The following JHY variants were observed in gnomAD, a reference collection of about 807,000 sequenced individuals.
JHY encodes the protein jhy protein homolog.
A neutral mutation model predicts 78.0 loss-of-function variants in JHY; 69 were observed. That is an observed-to-expected ratio of 0.88 (90% CI 0.73 to 1.08). The LOEUF (loss-of-function observed/expected upper bound fraction) is 1.08. Ranked by LOEUF, JHY falls within the 50% of genes least tolerant of loss-of-function variation. The pLI, the probability that JHY is intolerant of heterozygous loss-of-function variation, is 0.00. For missense variants in JHY, 944 were observed against 927.8 expected (o/e 1.02, Z -0.23); for synonymous variants, 368 against 342.6 (o/e 1.07, Z -0.82).
At chr11:122,939,312 A>G (rs184324573) in intron 5 of JHY, among the ~76,000 whole-genome samples, 1 of 152,034 alleles carries the variant, frequency 6.6e-6, no homozygotes, top group Non-Finnish European at 1.5e-5. Flanking sequence ...CAGACTTTCA[A>G]CCAAATCTTT....
rs1003749181 is a variant in JHY, at chr11:122,961,187, A to G, written c.*1742A>G. 1 of 513,746 alleles carries G rather than the reference A, an allele frequency of 1.9e-6. No individual in the cohort carries two copies. Among genetic ancestry groups the G allele is most frequent in the East Asian group, 3.5e-5 (1 of 28,390 alleles). 31.8% of individuals were successfully genotyped at this position (513,746 alleles called of 1,614,324 possible). ...TTTCTGTATTGCCCTCTACTGAAGTAGATAGTTTATATCTCCTAAAAATGA... is the reference window on the plus strand; with the variant it reads ...TTTCTGTATTGCCCTCTACTGAAGTGGATAGTTTATATCTCCTAAAAATGA... On this transcript the variant is annotated 3_prime_UTR_variant, in exon 9 of 9. Transcript: ENST00000227349.
At chr11:122,946,118 C>T (rs1163429461) in intron 5 of JHY, among the ~76,000 whole-genome samples, 1 of 152,094 alleles carries the variant, frequency 6.6e-6, no homozygotes, top group Non-Finnish European at 1.5e-5. Flanking sequence ...GTTTTTATTC[C>T]TTTTGTTCGT....
At chr11:122,911,803 G>T (rs1457259732) in intron 3 of JHY, among the ~76,000 whole-genome samples, 2 of 149,630 alleles carry the variant, frequency 1.3e-5, no homozygotes, top group East Asian at 2.0e-4. Context: ...TACTCAGGAG[G>T]CTGAGGCAGG....
chr11:122,901,955 A>G (rs762719285), intron 2 of JHY, among the ~76,000 whole-genome samples: 4 of 151,992 alleles, frequency 2.6e-5, no homozygotes, highest in South Asian at 2.1e-4. Context: ...AGGCCCACAC[A>G]GGGTTCGAAT....
chr11:122,946,458 A>C (rs1211767176), intron 5 of JHY, 40 bp from the exon 6 acceptor site: 1 of 1,530,710 alleles, frequency 6.5e-7, no homozygotes, highest in African/African-American at 1.4e-5. Context: ...ATGTATTTGG[A>C]TTTTATTAAT....
intron 4 of JHY, among the ~76,000 whole-genome samples, chr11:122,932,471 A>C (rs910106447): frequency 2.6e-5 from 4 of 152,202 alleles, no homozygotes; most frequent in Admixed American, 6.5e-5. Flanking sequence ...GTACCCAAGA[A>C]ATTTCTGAGA....
Position 122,962,757 on chromosome 11 carries a change from GT to G in JHY, c.*3315del, listed in dbSNP as rs1864340756. Among the ~76,000 whole-genome samples, 1 of 152,158 alleles carries G rather than the reference GT, an allele frequency of 6.6e-6. No homozygotes were observed. Among genetic ancestry groups the G allele is most frequent in the South Asian group, 2.1e-4 (1 of 4,832 alleles). On this transcript the variant is annotated 3_prime_UTR_variant, in exon 9 of 9. Coordinates refer to ENST00000227349, the MANE Select transcript of JHY (RefSeq NM_024806.4). ...CTTAAAATAGTTTAGAGCTTGGAAAGTTTGTCACATTCAACTGCCAGTTTTT... is the reference window on the plus strand; with the variant it reads ...CTTAAAATAGTTTAGAGCTTGGAAAGTTGTCACATTCAACTGCCAGTTTTT...
chr11:122,944,130 G>C (rs1482557605), intron 5 of JHY, among the ~76,000 whole-genome samples: 1 of 152,170 alleles, frequency 6.6e-6, no homozygotes, highest in Non-Finnish European at 1.5e-5. Flanking sequence ...CCGTAAGTCA[G>C]AGGTTGCAGT....
chr11:122,924,922 A>C lies in JHY; in HGVS notation c.890A>C (p.Asp297Ala). The part of the protein sequence containing the change: ...EQISYPVRVT[D>A]KTSIQNAKEM... ...ATCTCCTACCCCGTCAGAGTAACAG[A>C]CAAGACGTCTATTCAGAATGCCAAG... The change falls in exon 4 of 9, where the codon GAC (aspartate) becomes GCC (alanine). Residue 297 changes from aspartate to alanine, a missense_variant. Coordinates refer to ENST00000227349, the MANE Select transcript of JHY (RefSeq NM_024806.4). The C allele has an allele frequency of 6.2e-7, 1 of 1,614,040 alleles. No homozygotes were observed. Among genetic ancestry groups the C allele is most frequent in the Non-Finnish European group, 8.5e-7 (1 of 1,179,890 alleles).
At chr11:122,940,768 C>A (rs543996897) in intron 5 of JHY, among the ~76,000 whole-genome samples, 4 of 152,256 alleles carry the variant, frequency 2.6e-5, no homozygotes, top group Admixed American at 2.6e-4. Context: ...TCTATCAATA[C>A]CTATACATTT....
rs1489954690 is a variant in JHY at position 122,898,207 on chromosome 11, C to G, written c.345-5718C>G. The stretch of plus-strand genomic sequence containing the variant: ...TTCCTTGCTGCTGTATCTTCTGTGC[C>G]TAAGATTCTGCCTGTATGTAGGGAG... On this transcript the variant is annotated intron_variant, in intron 2 of 8. Coordinates refer to ENST00000227349, the MANE Select transcript of JHY (RefSeq NM_024806.4). The surrounding 1 kb of genome is among the most constrained non-coding windows in gnomAD (Gnocchi z 4.4). Among the ~76,000 whole-genome samples the G allele has an allele frequency of 6.6e-6, 1 of 152,156 alleles. No homozygotes were observed. Among genetic ancestry groups the G allele is most frequent in the Non-Finnish European group, 1.5e-5 (1 of 68,032 alleles).
At chr11:122,942,786 T>C (rs373539845) in intron 5 of JHY, among the ~76,000 whole-genome samples, 3 of 152,242 alleles carry the variant, frequency 2.0e-5, no homozygotes, top group South Asian at 2.1e-4. Flanking sequence ...TCCAATATAA[T>C]TTAAAATTAT....
intron 6 of JHY, among the ~76,000 whole-genome samples, chr11:122,955,666 TGA>T (rs1209069689): frequency 6.6e-6 from 1 of 152,206 alleles, no homozygotes; most frequent in Non-Finnish European, 1.5e-5. Flanking sequence ...ATGAACAATA[TGA>T]GTTTCTTAGT....
chr11:122,916,392 T>C (rs902881360), intron 3 of JHY, among the ~76,000 whole-genome samples: 7 of 152,204 alleles, frequency 4.6e-5, no homozygotes, highest in African/African-American at 1.7e-4. Flanking sequence ...TACTTGACTT[T>C]CACTTAACGT....
chr11:122,919,892 A>G (rs929202385), intron 3 of JHY, among the ~76,000 whole-genome samples: 3 of 152,258 alleles, frequency 2.0e-5, no homozygotes, highest in Non-Finnish European at 4.4e-5. Flanking sequence ...TGCTAAATAC[A>G]TTATGAGGTA....
At chr11:122,955,770 C>CCA (rs1180748593) in intron 6 of JHY, among the ~76,000 whole-genome samples, 2 of 152,098 alleles carry the variant, frequency 1.3e-5, no homozygotes, top group Middle Eastern at 6.5e-3. Flanking sequence ...CTTTTCCCCC[C>CCA]AATAATCAAT....
At chr11:122,892,241 G>A (rs186047418) in intron 2 of JHY, among the ~76,000 whole-genome samples, 383 of 151,516 alleles carry the variant, frequency 2.5e-3, no homozygotes, top group African/African-American at 8.7e-3. Context: ...ATAGGAGGGA[G>A]ATAGGCACAT....
At chr11:122,937,242 C>CTTTTTTTTTTTTTTT (rs11353255) in intron 5 of JHY, among the ~76,000 whole-genome samples, 1 of 137,670 alleles carries the variant, frequency 7.3e-6, no homozygotes, top group African/African-American at 2.7e-5. Context: ...CTTTTCATTT[C>CTTTTTTTTTTTTTTT]TTTTTTTTTT....
chr11:122,955,340 C>T (rs1363246727), intron 6 of JHY, among the ~76,000 whole-genome samples: 1 of 152,058 alleles, frequency 6.6e-6, no homozygotes, highest in Non-Finnish European at 1.5e-5. Context: ...AAGCTGGTCT[C>T]GAACTCCTAA....
Sources: gnomAD v4.1 joint callset for allele counts (sites outside exome capture counted in the v4.1 genomes callset) on GRCh38, gnomAD v4.1.1 for gene constraint, Gnocchi (gnomAD v3.1) non-coding constraint, MANE v1.5 for transcripts, NCBI Gene and HGNC (gene_info 2026-07-23, HGNC 2026-07-21) for gene names.